Variants in ANO1 observed in about 807,000 individuals in gnomAD.
ANO1 encodes the protein anoctamin 1.
Under a neutral mutation model 124.0 loss-of-function variants are expected in ANO1, and 59 were observed. That is an observed-to-expected ratio of 0.48 (90% CI 0.39 to 0.59). The LOEUF (loss-of-function observed/expected upper bound fraction) is 0.59. Among genes scored for constraint, ANO1 ranks in the 20% least tolerant of loss-of-function variants. The pLI is 0.00. For synonymous variants in ANO1, 529 were observed against 532.0 expected, an observed-to-expected ratio of 0.99 and a Z score of 0.08; for missense variants, 1,059 against 1,328.0, an observed-to-expected ratio of 0.80 and a Z score of 3.15.
At chr11:70,142,729 C>T (rs1364525623) in intron 11 of ANO1, among the ~76,000 whole-genome samples, 1 of 152,194 alleles carries the variant, frequency 6.6e-6, no homozygotes, top group Admixed American at 6.5e-5. Flanking sequence ...CATGCATTTC[C>T]CACAGTTCTG....
At chr11:70,085,813 T>G (rs2044351876) in intron 1 of ANO1, 11 of 1,078,244 alleles carry the variant, frequency 1.0e-5, no homozygotes, top group Non-Finnish European at 1.3e-5. Context: ...GGCTCCACCC[T>G]CCGGCTTCCC....
intron 1 of ANO1, among the ~76,000 whole-genome samples, chr11:69,996,251 G>T (rs1856269721): frequency 6.6e-6 from 1 of 152,172 alleles, no homozygotes; most frequent in Non-Finnish European, 1.5e-5. Flanking sequence ...ATCACACTGG[G>T]ATCCTCCTTA....
chr11:70,113,541 G>T (rs2045869339), intron 7 of ANO1, among the ~76,000 whole-genome samples: 1 of 146,026 alleles, frequency 6.8e-6, no homozygotes, highest in African/African-American at 2.5e-5. Context: ...ACCCTGTGTA[G>T]GCTCCGGCTG....
At chr11:70,172,383 A>G (rs1170128721) in intron 22 of ANO1, among the ~76,000 whole-genome samples, 1 of 152,232 alleles carries the variant, frequency 6.6e-6, no homozygotes, top group Non-Finnish European at 1.5e-5. Context: ...AAACAAAATT[A>G]CAAAAATACA....
intron 8 of ANO1, among the ~76,000 whole-genome samples, chr11:70,121,812 G>C (rs111164247): frequency 1.4e-4 from 7 of 48,482 alleles, no homozygotes; most frequent in Admixed American, 2.7e-4. Context: ...CTCTGTCTCT[G>C]TCTCTCCATC....
chr11:70,000,270 G>A (rs1856356670), intron 1 of ANO1, among the ~76,000 whole-genome samples: 1 of 150,580 alleles, frequency 6.6e-6, no homozygotes, highest in Non-Finnish European at 1.5e-5. Flanking sequence ...AAAATGGAAT[G>A]TGACATCTGC....
At chr11:70,179,907 G>T (rs2048868108) in intron 22 of ANO1, 97 bp from the exon 23 acceptor site, 2 of 1,117,202 alleles carry the variant, frequency 1.8e-6, no homozygotes, top group East Asian at 2.4e-5. Context: ...AGAAAGCCTG[G>T]CCCCTGCAAG....
chr11:70,044,680 G>A (rs1555005386), intron 1 of ANO1, among the ~76,000 whole-genome samples: 1 of 152,142 alleles, frequency 6.6e-6, no homozygotes, highest in African/African-American at 2.4e-5. Flanking sequence ...TATTTACATA[G>A]TCATGAAGTA....
At chr11:70,094,186 C>T (rs1004790341) in intron 2 of ANO1, among the ~76,000 whole-genome samples, 3 of 152,170 alleles carry the variant, frequency 2.0e-5, no homozygotes, top group African/African-American at 2.4e-5. Flanking sequence ...AGAGGGGAAC[C>T]GCAAGTCCCC....
rs375361146 is a variant in ANO1 at position 70,083,435 on chromosome 11, CTG to C, written c.109-4315_109-4314del. Among the ~76,000 whole-genome samples, 103 of 152,258 alleles carry C rather than the reference CTG, an allele frequency of 6.8e-4. 3 individuals carry two copies. The East Asian group carries it at 0.019, about 29-fold the overall frequency. On this transcript the variant is annotated intron_variant, in intron 1 of 25. Transcript: ENST00000355303. ...GCCCACTCTTGATCAGGCCCCAGTG[CTG>C]TCTCTCCCTCCACCATGCATGGGAA... is the stretch of plus-strand genomic sequence containing the variant.
At position 70,136,507 on chromosome 11, in the gene ANO1, G is replaced by A. The variant is rs1233617117; in HGVS notation, c.1258+4428G>A. 2.0e-5 allele frequency among the ~76,000 whole-genome samples: 3 copies of A among 148,664 alleles called. 1 individual carries two copies. Among genetic ancestry groups the A allele is most frequent in the Non-Finnish European group, 4.5e-5 (3 of 66,524 alleles). On this transcript the variant is annotated intron_variant, in intron 11 of 25. Coordinates refer to ENST00000355303, the MANE Select transcript of ANO1 (RefSeq NM_018043.7). ...AACATCGTCCTTTGGCCGATTTCAT[G>A]TTTGGGGCTTCTGCCTGGAGTTTGT...
intron 1 of ANO1, among the ~76,000 whole-genome samples, chr11:70,033,279 G>A (rs1025570680): frequency 6.6e-6 from 1 of 152,190 alleles, no homozygotes; most frequent in Non-Finnish European, 1.5e-5. Context: ...AGCCATAGAA[G>A]GCGCAGGTGG....
rs899058331 is a variant in ANO1, at chr11:70,189,196, A to G, written c.*1192A>G. ...AAATTTCTCAAGCACCAAGAGAAAC[A>G]TCATTTTAGCAAAGGCCAGGAGGAA... On this transcript the variant is annotated 3_prime_UTR_variant, in exon 26 of 26. Transcript: ENST00000355303. 6.6e-6 allele frequency: 1 copy of G among 152,640 alleles called. No homozygotes were observed. The highest frequency in any genetic ancestry group is 1.5e-5 in the Non-Finnish European group (1 of 68,046). 9.5% of individuals were successfully genotyped at this position (152,640 alleles called of 1,614,324 possible).
chr11:70,076,014 C>A (rs572472915), upstream of ANO1, among the ~76,000 whole-genome samples: 18 of 152,354 alleles, frequency 1.2e-4, no homozygotes, highest in African/African-American at 4.1e-4. Flanking sequence ...GGAGGCAGAA[C>A]TGGTCCTCTC....
chr11:70,044,713 A>G (rs61886431), intron 1 of ANO1, among the ~76,000 whole-genome samples: 5,492 of 152,312 alleles, frequency 0.036, 170 homozygotes, highest in Non-Finnish European at 0.062. Context: ...TTTCTTATTA[A>G]TTACAAAGGT....
intron 1 of ANO1, among the ~76,000 whole-genome samples, chr11:70,081,241 C>T (rs76689487): frequency 2.1e-3 from 327 of 152,276 alleles, no homozygotes; most frequent in Non-Finnish European, 4.0e-3. Flanking sequence ...TTTCCATTTC[C>T]CTCTGTTAAT....
At chr11:70,019,792 C>A (rs138632685) in intron 1 of ANO1, among the ~76,000 whole-genome samples, 1,759 of 152,344 alleles carry the variant, frequency 0.012, 16 homozygotes, top group Non-Finnish European at 0.015. Context: ...ATAATGAAAG[C>A]TTTCCCAGCC....
At chr11:69,993,675 G>T (rs1856200228) in intron 1 of ANO1, among the ~76,000 whole-genome samples, 1 of 152,154 alleles carries the variant, frequency 6.6e-6, no homozygotes, top group Non-Finnish European at 1.5e-5. Context: ...CCACCACCTG[G>T]TGCAGCTGGC....
chr11:70,055,044 C>A (rs372990231), intron 1 of ANO1, among the ~76,000 whole-genome samples: 2 of 152,150 alleles, frequency 1.3e-5, no homozygotes, highest in South Asian at 4.1e-4. Flanking sequence ...CACTTAATTT[C>A]CAAACGCTGA....
Sources: gnomAD v4.1 joint callset for allele counts (sites outside exome capture counted in the v4.1 genomes callset) on GRCh38, gnomAD v4.1.1 for gene constraint, MANE v1.5 for transcripts, NCBI Gene and HGNC (gene_info 2026-07-23, HGNC 2026-07-21) for gene names.